CACNA2D3: variants seen among roughly 807,000 people sequenced by gnomAD.
CACNA2D3 encodes the protein voltage-dependent calcium channel subunit alpha-2/delta-3.
In CACNA2D3, 60 loss-of-function variants were observed where a neutral mutation model predicts 160.6. That is an observed-to-expected ratio of 0.37 (90% CI 0.30 to 0.46). The LOEUF (loss-of-function observed/expected upper bound fraction) is 0.46. Ranked by LOEUF, CACNA2D3 falls within the 20% of genes least tolerant of loss-of-function variation. CACNA2D3 has a pLI of 1.00. For synonymous variants in CACNA2D3, 558 were observed against 492.9 expected (o/e 1.13, Z -1.75); for missense variants, 1,205 against 1,365.0 (o/e 0.88, Z 1.85).
intron 2 of CACNA2D3, among the ~76,000 whole-genome samples, chr3:54,157,735 G>A (rs1232428519): frequency 2.0e-5 from 3 of 151,562 alleles, no homozygotes; most frequent in South Asian, 2.1e-4. Context: ...GGGTTGCAGC[G>A]AGCCGAGATG....
chr3:54,853,155 C>T (rs1031079065), intron 17 of CACNA2D3, among the ~76,000 whole-genome samples: 4 of 151,906 alleles, frequency 2.6e-5, no homozygotes, highest in African/African-American at 7.3e-5. Context: ...AGAGAAGCAT[C>T]GCTGCGCCCA....
chr3:54,180,973 T>C (rs185179671), intron 2 of CACNA2D3, among the ~76,000 whole-genome samples: 3 of 152,306 alleles, frequency 2.0e-5, no homozygotes, highest in Admixed American at 1.3e-4. Flanking sequence ...TGGTAGACCA[T>C]CTGGTTGCCC....
chr3:54,457,420 T>C (rs1361393563), intron 4 of CACNA2D3, among the ~76,000 whole-genome samples: 2 of 152,112 alleles, frequency 1.3e-5, no homozygotes, highest in Admixed American at 6.6e-5. Context: ...TTAGAAAATA[T>C]AGTTGATATT....
At chr3:54,218,735 G>C (rs1253010888) in intron 2 of CACNA2D3, among the ~76,000 whole-genome samples, 2 of 152,180 alleles carry the variant, frequency 1.3e-5, no homozygotes, top group Admixed American at 1.3e-4. Context: ...AAATCAAAAT[G>C]TCAGCAGATC....
intron 5 of CACNA2D3, among the ~76,000 whole-genome samples, chr3:54,521,475 T>A (rs1183130527): frequency 6.6e-6 from 1 of 152,208 alleles, no homozygotes; most frequent in Non-Finnish European, 1.5e-5. Context: ...TTGCAAATAT[T>A]TTCTCTGATT....
At chr3:54,329,523 C>G (rs1206200726) in intron 3 of CACNA2D3, among the ~76,000 whole-genome samples, 1 of 152,214 alleles carries the variant, frequency 6.6e-6, no homozygotes, top group African/African-American at 2.4e-5. Flanking sequence ...GCGAATGAAC[C>G]TGACACAGCA....
chr3:54,397,554 C>G (rs898187108), intron 4 of CACNA2D3, among the ~76,000 whole-genome samples: 5 of 144,634 alleles, frequency 3.5e-5, no homozygotes, highest in Non-Finnish European at 6.0e-5. Flanking sequence ...ATTTTTATTT[C>G]TGTCTTCATT....
Position 54,291,587 on chromosome 3 carries a change from A to T in CACNA2D3, c.205-28855A>T, listed in dbSNP as rs1035238708. On this transcript the variant is annotated intron_variant, in intron 2 of 37. Transcript: ENST00000474759. ...TGTTAATTACTATGGACTAGGAAAAAGTGTGCCTCTCCCCAGCGAAACAGA... is the reference window on the plus strand; with the variant it reads ...TGTTAATTACTATGGACTAGGAAAATGTGTGCCTCTCCCCAGCGAAACAGA... Among the ~76,000 whole-genome samples the T allele has an allele frequency of 3.3e-5, 5 of 152,188 alleles. No homozygotes were observed. In the South Asian group the frequency reaches 8.3e-4, roughly 25 times the overall value.
At chr3:54,736,122 T>C (rs1281816332) in intron 11 of CACNA2D3, among the ~76,000 whole-genome samples, 3 of 64,780 alleles carry the variant, frequency 4.6e-5, no homozygotes, top group South Asian at 9.0e-4. Context: ...TATATATACA[T>C]ATATATATGT....
chr3:54,972,483 C>T (rs951445450), intron 29 of CACNA2D3, among the ~76,000 whole-genome samples: 2 of 152,174 alleles, frequency 1.3e-5, no homozygotes, highest in Non-Finnish European at 2.9e-5. Context: ...AGACCATGTT[C>T]CTCTCCCCCA....
intron 35 of CACNA2D3, among the ~76,000 whole-genome samples, chr3:55,029,087 C>T (rs913702299): frequency 6.6e-6 from 1 of 152,192 alleles, no homozygotes; most frequent in South Asian, 2.1e-4. Context: ...CAATTTACCA[C>T]AAGTCTTTAG....
chr3:54,232,222 A>T (rs866164810), intron 2 of CACNA2D3, among the ~76,000 whole-genome samples: 4 of 152,298 alleles, frequency 2.6e-5, no homozygotes, highest in Non-Finnish European at 4.4e-5. Context: ...TGCTGGCTTT[A>T]TGCTCTCAGA....
At chr3:54,637,341 G>C (rs990933509) in intron 10 of CACNA2D3, among the ~76,000 whole-genome samples, 7 of 151,638 alleles carry the variant, frequency 4.6e-5, no homozygotes, top group African/African-American at 9.7e-5. Context: ...GGGTTAAGGT[G>C]GGGGGATACA....
intron 8 of CACNA2D3, among the ~76,000 whole-genome samples, chr3:54,581,551 C>A (rs1038396722): frequency 2.6e-5 from 4 of 152,172 alleles, no homozygotes; most frequent in Admixed American, 1.3e-4. Context: ...TAACAGGGTG[C>A]ACCCTGAACC....
At chr3:54,169,518 A>G (rs1185516936) in intron 2 of CACNA2D3, among the ~76,000 whole-genome samples, 8 of 152,222 alleles carry the variant, frequency 5.3e-5, no homozygotes, top group Admixed American at 3.3e-4. Context: ...ATACACAGAT[A>G]CTTGCCCTCA....
At chr3:54,545,694 G>C (rs544679033) in intron 5 of CACNA2D3, among the ~76,000 whole-genome samples, 2 of 152,274 alleles carry the variant, frequency 1.3e-5, no homozygotes, top group Admixed American at 6.5e-5. Context: ...GAATGATCCT[G>C]ACCAATTTAA....
intron 32 of CACNA2D3, among the ~76,000 whole-genome samples, chr3:55,005,182 G>T (rs1311569153): frequency 6.6e-6 from 1 of 151,884 alleles, no homozygotes; most frequent in Non-Finnish European, 1.5e-5. Flanking sequence ...AGGCTGAGGC[G>T]GGAGAACCGC....
chr3:55,003,162 T>A (rs1703019591), intron 31 of CACNA2D3, among the ~76,000 whole-genome samples: 2 of 152,166 alleles, frequency 1.3e-5, no homozygotes, highest in South Asian at 4.1e-4. Flanking sequence ...AGAAAGGAAT[T>A]CCTGTGGAGA....
intron 11 of CACNA2D3, among the ~76,000 whole-genome samples, chr3:54,643,433 T>A (rs1422113494): frequency 1.3e-5 from 2 of 152,054 alleles, no homozygotes; most frequent in African/African-American, 4.8e-5. Flanking sequence ...CTCCTTCCCC[T>A]GCTATCCAGT....
Sources: gnomAD v4.1 joint callset for allele counts (sites outside exome capture counted in the v4.1 genomes callset) on GRCh38, gnomAD v4.1.1 for gene constraint, MANE v1.5 for transcripts, NCBI Gene and HGNC (gene_info 2026-07-23, HGNC 2026-07-21) for gene names.